BABAM2: variants seen among roughly 807,000 people sequenced by gnomAD.
BABAM2 encodes the protein BRISC and BRCA1-A complex member 2.
A neutral mutation model predicts 54.7 loss-of-function variants in BABAM2; 31 were observed. That is an observed-to-expected ratio of 0.57 (90% CI 0.43 to 0.77). The LOEUF (loss-of-function observed/expected upper bound fraction) is 0.77, where lower values mean the gene tolerates loss of function less well. Ranked by LOEUF, BABAM2 falls within the 30% of genes least tolerant of loss-of-function variation. The probability of loss-of-function intolerance (pLI) is 0.00; values close to 1 mark genes in which losing one functional copy is unlikely to be tolerated. For synonymous variants in BABAM2, 167 were observed against 162.9 expected, an observed-to-expected ratio of 1.03 and a Z score of -0.19; for missense variants, 364 against 455.8, an observed-to-expected ratio of 0.80 and a Z score of 1.83.
At chr2:27,929,744 C>A in intron 2 of BABAM2, 88 bp from the exon 3 acceptor site, 2 of 1,169,840 alleles carry the variant, frequency 1.7e-6, no homozygotes, top group African/African-American at 1.5e-5. Flanking sequence ...TATAAAGATC[C>A]TGTTTTGTTT....
chr2:28,321,654 A>C (rs891650350), intron 11 of BABAM2, among the ~76,000 whole-genome samples: 3 of 152,190 alleles, frequency 2.0e-5, no homozygotes, highest in Non-Finnish European at 4.4e-5. Context: ...AATCTCACCC[A>C]AACAATGTGC....
At chr2:28,231,835 T>A (rs1302143033) in intron 7 of BABAM2, among the ~76,000 whole-genome samples, 1 of 115,094 alleles carries the variant, frequency 8.7e-6, no homozygotes, top group Admixed American at 1.3e-4. Context: ...AGAGACAGAG[T>A]CCCAATCAGT....
chr2:28,042,770 A>G (rs1053463634), intron 5 of BABAM2, among the ~76,000 whole-genome samples: 2 of 152,192 alleles, frequency 1.3e-5, no homozygotes, highest in African/African-American at 4.8e-5. Context: ...GAAACATTTT[A>G]AAAATGATGT....
At chr2:27,894,481 G>A (rs1665126360) in intron 1 of BABAM2, 52 bp from the exon 2 acceptor site, 1 of 1,540,060 alleles carries the variant, frequency 6.5e-7, no homozygotes. Flanking sequence ...GCAGAGTGTT[G>A]TATCTAGTCC....
At chr2:28,190,087 C>G (rs1676739045) in intron 7 of BABAM2, among the ~76,000 whole-genome samples, 1 of 152,058 alleles carries the variant, frequency 6.6e-6, no homozygotes. Context: ...ACTGGATAGC[C>G]ATAACCAAAA....
intron 6 of BABAM2, among the ~76,000 whole-genome samples, chr2:28,101,274 G>A (rs915317149): frequency 6.6e-6 from 1 of 152,134 alleles, no homozygotes; most frequent in Admixed American, 6.5e-5. Flanking sequence ...TATCTAGCAT[G>A]CATGGACTCA....
At chr2:28,209,793 C>T (rs1679256177) in intron 7 of BABAM2, among the ~76,000 whole-genome samples, 1 of 152,088 alleles carries the variant, frequency 6.6e-6, no homozygotes. Flanking sequence ...AGAATTCAAT[C>T]CTAGGGATTG....
chr2:28,281,068 C>A (rs531628687), intron 10 of BABAM2, among the ~76,000 whole-genome samples: 4 of 152,046 alleles, frequency 2.6e-5, no homozygotes, highest in African/African-American at 9.7e-5. Flanking sequence ...TCCTTAAATG[C>A]TCTGTGTATA....
At chr2:28,035,826 G>A (rs950918575) in intron 5 of BABAM2, among the ~76,000 whole-genome samples, 4 of 152,128 alleles carry the variant, frequency 2.6e-5, no homozygotes, top group African/African-American at 9.7e-5. Flanking sequence ...TATTAAAGGT[G>A]TAGATTATAA....
At chr2:28,327,801 T>G (rs1216879988) in intron 11 of BABAM2, among the ~76,000 whole-genome samples, 1 of 152,202 alleles carries the variant, frequency 6.6e-6, no homozygotes, top group Admixed American at 6.5e-5. Flanking sequence ...CCCACTGCGA[T>G]ATCAAGCCTT....
At chr2:28,026,854 AT>A (rs1675775133) in intron 5 of BABAM2, among the ~76,000 whole-genome samples, 1 of 79,270 alleles carries the variant, frequency 1.3e-5, no homozygotes, top group African/African-American at 6.5e-5. Flanking sequence ...ATATATATTT[AT>A]ATATATAGAT....
At chr2:27,897,781 T>G (rs943159651) in intron 2 of BABAM2, among the ~76,000 whole-genome samples, 2 of 152,166 alleles carry the variant, frequency 1.3e-5, no homozygotes, top group Admixed American at 6.5e-5. Context: ...TAGGATTCAT[T>G]CAGTCTGAAT....
At chr2:28,090,383 T>C (rs529840622) in intron 6 of BABAM2, among the ~76,000 whole-genome samples, 51 of 152,136 alleles carry the variant, frequency 3.4e-4, no homozygotes, top group African/African-American at 1.2e-3. Context: ...TAGCTGGGAG[T>C]ACAGGTGTGC....
intron 7 of BABAM2, among the ~76,000 whole-genome samples, chr2:28,153,138 C>G (rs1044177804): frequency 2.0e-5 from 3 of 152,024 alleles, no homozygotes; most frequent in African/African-American, 7.2e-5. Context: ...TCCCCCATGA[C>G]TTTAGCATTT....
chr2:28,064,808 C>T (rs916849293), intron 6 of BABAM2, among the ~76,000 whole-genome samples: 9 of 152,078 alleles, frequency 5.9e-5, no homozygotes, highest in Admixed American at 5.9e-4. Flanking sequence ...TCAAGATCAG[C>T]CTGGCCAACA....
intron 2 of BABAM2, among the ~76,000 whole-genome samples, chr2:27,923,284 G>A (rs1433178951): frequency 6.6e-6 from 1 of 152,198 alleles, no homozygotes; most frequent in African/African-American, 2.4e-5. Flanking sequence ...TCATAGCCAA[G>A]TTTTCCTAGT....
chr2:28,254,967 C>T (rs558781011), intron 10 of BABAM2, among the ~76,000 whole-genome samples: 1 of 151,742 alleles, frequency 6.6e-6, no homozygotes, highest in Admixed American at 6.6e-5. Context: ...AAACTTCTGG[C>T]CTCTAGTGAA....
chr2:28,058,319 T>G (rs1558297242), intron 6 of BABAM2, among the ~76,000 whole-genome samples: 1 of 151,982 alleles, frequency 6.6e-6, no homozygotes, highest in Non-Finnish European at 1.5e-5. Flanking sequence ...CTTAAATACT[T>G]AACTCAAATT....
chr2:28,059,221 A>G lies in BABAM2; in HGVS notation c.570+13422A>G, dbSNP rs570600617. Among the ~76,000 whole-genome samples, 7 of 152,324 alleles carry G rather than the reference A, an allele frequency of 4.6e-5. No individual in the cohort carries two copies. The East Asian group carries it at 1.2e-3, about 25-fold the overall frequency. Reference sequence around the variant, plus strand: ...TTTATTTTATAAAATATTTTGAAACATATTTTAACAGTACACACATACCTT... The same window carrying G: ...TTTATTTTATAAAATATTTTGAAACGTATTTTAACAGTACACACATACCTT... On this transcript the variant is annotated intron_variant, in intron 6 of 11. Coordinates refer to ENST00000379624, the MANE Select transcript of BABAM2 (RefSeq NM_199191.3).
Sources: allele counts gnomAD v4.1 joint callset (sites outside exome capture counted in the v4.1 genomes callset), GRCh38; gene constraint gnomAD v4.1.1; transcripts MANE v1.5; gene names NCBI Gene and HGNC (gene_info 2026-07-23, HGNC 2026-07-21).